The following CCL28 variants were observed in gnomAD, a reference collection of about 807,000 sequenced individuals.
The protein encoded by CCL28 is C-C motif chemokine 28.
Under a neutral mutation model 7.1 loss-of-function variants are expected in CCL28, and 4 were observed. The observed-to-expected ratio is 0.56, with a 90% CI of 0.28 to 1.29. CCL28 has a LOEUF of 1.29. Ranked by LOEUF, CCL28 falls within the 50% of genes most tolerant of loss-of-function variation. The probability of loss-of-function intolerance (pLI) is 0.11; values close to 1 mark genes in which losing one functional copy is unlikely to be tolerated. For missense variants in CCL28, 151 were observed against 163.4 expected, an observed-to-expected ratio of 0.92 and a Z score of 0.41; for synonymous variants, 55 against 57.8, an observed-to-expected ratio of 0.95 and a Z score of 0.22.
downstream of CCL28, chr5:43,379,190 G>T (rs916133849): frequency 1.3e-5 from 2 of 151,982 alleles, no homozygotes; most frequent in African/African-American, 4.8e-5. Context: ...TTAGACACCA[G>T]TGTTTTGGTA....
chr5:43,405,831 C>G (rs1741252463), intron 1 of CCL28, among the ~76,000 whole-genome samples: 1 of 152,160 alleles, frequency 6.6e-6, no homozygotes, highest in South Asian at 2.1e-4. Flanking sequence ...ACCAATCCCA[C>G]AGAAATACAA....
the CCL28 span, among the ~76,000 whole-genome samples, chr5:43,362,883 T>C: frequency 6.6e-6 from 1 of 152,230 alleles, no homozygotes. Context: ...AAATAAGATT[T>C]GTTCAGGCAT....
downstream of CCL28, among the ~76,000 whole-genome samples, chr5:43,373,977 C>T (rs1739836376): frequency 6.6e-6 from 1 of 152,220 alleles, no homozygotes; most frequent in Admixed American, 6.5e-5. Context: ...CTTGGAAACA[C>T]TGGAGCCCAG....
chr5:43,365,927 C>A, the CCL28 span, among the ~76,000 whole-genome samples: 3 of 152,100 alleles, frequency 2.0e-5, no homozygotes, highest in Non-Finnish European at 4.4e-5. Context: ...ATCTCTGATA[C>A]CCTTTCTTCC....
Position 43,412,325 on chromosome 5 carries a change from GC to G in CCL28, c.-10del. 6.2e-7 allele frequency: 1 copy of G among 1,611,052 alleles called. No homozygotes were observed. Among genetic ancestry groups the G allele is most frequent in the Non-Finnish European group, 8.5e-7 (1 of 1,178,522 alleles). ...AGTCCTCTCTGCTGCATTCCTGCCTGCCCTACTGGCACTGACAGCAACACAA... is the reference window on the plus strand; with the variant it reads ...AGTCCTCTCTGCTGCATTCCTGCCTGCCTACTGGCACTGACAGCAACACAA... On this transcript the variant is annotated 5_prime_UTR_variant, in exon 1 of 3. Transcript: ENST00000361115.
At chr5:43,411,415 C>T (rs1392276881) in intron 1 of CCL28, among the ~76,000 whole-genome samples, 1 of 152,196 alleles carries the variant, frequency 6.6e-6, no homozygotes, top group East Asian at 1.9e-4. Context: ...CAAATACATG[C>T]TAGCAACTCA....
the CCL28 span, among the ~76,000 whole-genome samples, chr5:43,367,805 C>G: frequency 4.6e-5 from 7 of 152,202 alleles, no homozygotes; most frequent in Admixed American, 2.0e-4. Flanking sequence ...CCTAGCTGTT[C>G]CTATTTGGCT....
intron 1 of CCL28, among the ~76,000 whole-genome samples, chr5:43,401,040 G>A (rs1277877560): frequency 3.4e-5 from 5 of 148,836 alleles, no homozygotes; most frequent in South Asian, 2.1e-4. Flanking sequence ...CAGAGACCAC[G>A]CCACTGCACT....
chr5:43,375,956 G>A (rs1739881479), downstream of CCL28, among the ~76,000 whole-genome samples: 1 of 152,134 alleles, frequency 6.6e-6, no homozygotes. Context: ...AATCGCTTGA[G>A]CCTGGGAAGC....
chr5:43,376,520 C>G (rs999683002), downstream of CCL28: 10 of 152,180 alleles, frequency 6.6e-5, no homozygotes, highest in Non-Finnish European at 1.3e-4. Flanking sequence ...TTAGAATTAT[C>G]AACATCAGAT....
downstream of CCL28, among the ~76,000 whole-genome samples, chr5:43,372,494 G>T (rs1337021495): frequency 6.6e-6 from 1 of 151,962 alleles, no homozygotes; most frequent in Non-Finnish European, 1.5e-5. Flanking sequence ...TCAGCCTCCT[G>T]ATTAGTTGGG....
rs549386298 is a variant in CCL28 at position 43,400,851 on chromosome 5, G to A, written c.64+11402C>T. On this transcript the variant is annotated intron_variant, in intron 1 of 2. Transcript: ENST00000361115. ...TGTAATCCCAGCACTTTGGGAGGCC[G>A]AGGTGGGCAGATCATGGTGTCAGGA... is the stretch of plus-strand genomic sequence containing the variant. Among the ~76,000 whole-genome samples, 181 of 152,214 alleles carry A rather than the reference G, an allele frequency of 1.2e-3. 2 individuals are homozygous for A. Among genetic ancestry groups the A allele is most frequent in the Non-Finnish European group, 2.4e-3 (162 of 68,014 alleles).
intron 1 of CCL28, among the ~76,000 whole-genome samples, chr5:43,401,472 G>A (rs1485563398): frequency 6.6e-6 from 1 of 152,142 alleles, no homozygotes; most frequent in Non-Finnish European, 1.5e-5. Context: ...TTAAGCATGT[G>A]GAGACTACCA....
At chr5:43,399,865 G>A (rs1740960535) in intron 1 of CCL28, among the ~76,000 whole-genome samples, 1 of 146,542 alleles carries the variant, frequency 6.8e-6, no homozygotes, top group Non-Finnish European at 1.5e-5. Context: ...TTTTTTTTTG[G>A]GAGACCGTCT....
the CCL28 span, among the ~76,000 whole-genome samples, chr5:43,358,388 A>C: frequency 2.6e-5 from 4 of 152,252 alleles, no homozygotes; most frequent in African/African-American, 9.6e-5. Context: ...GGTCATTTCA[A>C]AATTGCTTTC....
rs546591623 is a variant in CCL28 at position 43,411,985 on chromosome 5, A to G, written c.64+268T>C. 4.5e-3 allele frequency among the ~76,000 whole-genome samples: 688 copies of G among 152,352 alleles called. 5 individuals carry two copies. The highest frequency in any genetic ancestry group is 0.016 in the African/African-American group (671 of 41,572). ...AGATACTGTCTTCAGAAAAGGAAACATAGCTCGAAGTTGTACCTACATGGA... is the reference window on the plus strand; with the variant it reads ...AGATACTGTCTTCAGAAAAGGAAACGTAGCTCGAAGTTGTACCTACATGGA... On this transcript the variant is annotated intron_variant, in intron 1 of 2. Transcript: ENST00000361115.
the CCL28 span, among the ~76,000 whole-genome samples, chr5:43,359,817 T>C: frequency 6.6e-6 from 1 of 152,128 alleles, no homozygotes; most frequent in Non-Finnish European, 1.5e-5. Context: ...TTCTGGCAAC[T>C]GAATGACACC....
At chr5:43,409,326 T>C (rs1454099222) in intron 1 of CCL28, among the ~76,000 whole-genome samples, 1 of 151,444 alleles carries the variant, frequency 6.6e-6, no homozygotes, top group Non-Finnish European at 1.5e-5. Context: ...CTCAGGAGGC[T>C]GAGGCAGGAG....
chr5:43,377,747 T>A (rs1739941669), downstream of CCL28, among the ~76,000 whole-genome samples: 1 of 121,248 alleles, frequency 8.2e-6, no homozygotes, highest in African/African-American at 3.3e-5. Flanking sequence ...TTTTTTTTTT[T>A]TTTGAGACGG....
Sources: gnomAD v4.1 joint callset for allele counts (sites outside exome capture counted in the v4.1 genomes callset) on GRCh38, gnomAD v4.1.1 for gene constraint, MANE v1.5 for transcripts, NCBI Gene and HGNC (gene_info 2026-07-23, HGNC 2026-07-21) for gene names.